The following EPB41L5 variants were observed in gnomAD, a reference collection of about 807,000 sequenced individuals.
EPB41L5 encodes the protein erythrocyte membrane protein band 4.1 like 5.
Under a neutral mutation model 106.6 loss-of-function variants are expected in EPB41L5, and 55 were observed. The observed-to-expected ratio is 0.52, with a 90% CI of 0.42 to 0.65. The LOEUF is 0.65. Among genes scored for constraint, EPB41L5 ranks in the 30% least tolerant of loss-of-function variants. EPB41L5 has a pLI of 0.00. For missense variants in EPB41L5, 871 were observed against 882.1 expected, an observed-to-expected ratio of 0.99 and a Z score of 0.16; for synonymous variants, 297 against 306.7, an observed-to-expected ratio of 0.97 and a Z score of 0.33.
chr2:120,111,142 G>A (rs184330915), intron 16 of EPB41L5, among the ~76,000 whole-genome samples: 2 of 152,240 alleles, frequency 1.3e-5, no homozygotes, highest in East Asian at 3.9e-4. Flanking sequence ...GTCCCCTTCA[G>A]CCTGTGACAG....
intron 3 of EPB41L5, among the ~76,000 whole-genome samples, chr2:120,061,189 C>T (rs1418637207): frequency 1.3e-5 from 2 of 149,640 alleles, no homozygotes; most frequent in Non-Finnish European, 3.0e-5. Context: ...TACAGGCACA[C>T]ACCACCATGC....
intron 3 of EPB41L5, among the ~76,000 whole-genome samples, chr2:120,054,108 T>G (rs1435177201): frequency 6.6e-6 from 1 of 152,238 alleles, no homozygotes; most frequent in Non-Finnish European, 1.5e-5. Flanking sequence ...CTAGTTGGTA[T>G]GAAATGGTGT....
In EPB41L5 at chr2:120,175,993, G is replaced by A. The variant is rs1201329055; in HGVS notation, c.*1086G>A. ...AGCATATACCGAAAGAACCTGCATTGCACTAGGAATTCTGTGTTAGTTTAA... is the reference window on the plus strand; with the variant it reads ...AGCATATACCGAAAGAACCTGCATTACACTAGGAATTCTGTGTTAGTTTAA... On this transcript the variant is annotated 3_prime_UTR_variant, in exon 25 of 25. Transcript: ENST00000263713. The A allele has an allele frequency of 6.6e-6, 1 of 152,414 alleles. No individual in the cohort carries two copies. The highest frequency in any genetic ancestry group is 2.4e-5 in the African/African-American group (1 of 41,428). 9.4% of individuals were successfully genotyped at this position (152,414 alleles called of 1,614,324 possible).
At position 120,112,541 on chromosome 2, in the gene EPB41L5, GAGT is replaced by G. The variant is rs1684770095; in HGVS notation, c.1337+11730_1337+11732del. 2.0e-5 allele frequency among the ~76,000 whole-genome samples: 3 copies of G among 152,196 alleles called. No homozygotes were observed. In the South Asian group the frequency reaches 6.2e-4, roughly 32 times the overall value. ...AAGTGCTAAATCCAGCAAGCAAGAA[GAGT>G]AGAAGTGGTTGAAGTTAAGAAGGCT... On this transcript the variant is annotated intron_variant, in intron 16 of 24. Coordinates refer to ENST00000263713, the MANE Select transcript of EPB41L5 (RefSeq NM_020909.4).
Position 120,164,880 on chromosome 2 carries a change from G to C in EPB41L5, c.1932G>C (p.Glu644Asp). 1 of 1,611,266 alleles carries C rather than the reference G, an allele frequency of 6.2e-7. No homozygotes were observed. Among genetic ancestry groups the C allele is most frequent in the Non-Finnish European group, 8.5e-7 (1 of 1,178,798 alleles). ...ATGCCTTGCTTGCATCTCTAACTGA[G>C]AATCTAATTGATCACACAGTTGCAC... Reference protein sequence around the residue: ...ELDALLASLTENLIDHTVAPQ... With the variant: ...ELDALLASLTDNLIDHTVAPQ... Residue 644 changes from glutamate (E) to aspartate (D), a missense_variant, in exon 22 of 25, where the codon GAG (glutamate) becomes GAC (aspartate). Transcript: ENST00000263713.
At chr2:120,104,922 G>C (rs1023331463) in intron 16 of EPB41L5, 1 of 977,444 alleles carries the variant, frequency 1.0e-6, no homozygotes, top group African/African-American at 1.8e-5. Context: ...TATCATAACA[G>C]TTAACCAGTG....
intron 9 of EPB41L5, 129 bp from the exon 10 acceptor site, chr2:120,078,364 T>C (rs1682401199): frequency 2.3e-6 from 1 of 436,260 alleles, no homozygotes; most frequent in Non-Finnish European, 4.0e-6. Flanking sequence ...GTTGAAAACA[T>C]CTCATATATT....
At position 120,106,030 on chromosome 2, in the gene EPB41L5, A is replaced by C. The variant is rs796250470; in HGVS notation, c.1337+5216A>C. On this transcript the variant is annotated intron_variant, in intron 16 of 24. Coordinates refer to ENST00000263713, the MANE Select transcript of EPB41L5 (RefSeq NM_020909.4). Reference sequence around the variant, plus strand: ...GCAGGACATGCTCATATAATGCCCCATATATATCTTAGCAGATTGTAATTG... The same window carrying C: ...GCAGGACATGCTCATATAATGCCCCCTATATATCTTAGCAGATTGTAATTG... 3.0e-6 allele frequency: 3 copies of C among 984,720 alleles called. No homozygotes were observed. In the African/African-American group the frequency reaches 5.2e-5, roughly 17 times the overall value. 61.0% of individuals were successfully genotyped at this position (984,720 alleles called of 1,614,324 possible). A position where few individuals can be genotyped will look rare whatever the true frequency, so the allele number is the denominator to read the frequency against.
intron 3 of EPB41L5, among the ~76,000 whole-genome samples, chr2:120,042,949 C>T (rs766527790): frequency 6.7e-6 from 1 of 149,848 alleles, no homozygotes; most frequent in Non-Finnish European, 1.5e-5. Flanking sequence ...GAGGAAGAGA[C>T]CACAGATGAT....
intron 24 of EPB41L5, among the ~76,000 whole-genome samples, chr2:120,174,107 T>C (rs1028892362): frequency 6.6e-6 from 1 of 152,182 alleles, no homozygotes; most frequent in Non-Finnish European, 1.5e-5. Flanking sequence ...TTCACACGGC[T>C]CTAACAAAAT....
chr2:120,047,196 A>C (rs1384661124), intron 3 of EPB41L5, among the ~76,000 whole-genome samples: 2 of 152,192 alleles, frequency 1.3e-5, no homozygotes, highest in Non-Finnish European at 1.5e-5. Flanking sequence ...AATTCTGTGA[A>C]GAAAGTCATT....
intron 10 of EPB41L5, among the ~76,000 whole-genome samples, chr2:120,083,492 T>C (rs1371598543): frequency 6.6e-6 from 1 of 152,216 alleles, no homozygotes; most frequent in African/African-American, 2.4e-5. Flanking sequence ...TTCTGTTCTT[T>C]TACATTTGCT....
intron 3 of EPB41L5, among the ~76,000 whole-genome samples, chr2:120,067,952 C>T (rs1417047237): frequency 6.6e-6 from 1 of 152,102 alleles, no homozygotes; most frequent in South Asian, 2.1e-4. Context: ...ACTGAGGGAG[C>T]AGAGGAAGTG....
At chr2:120,150,811 GATTGTCTTTTCACTTTCTTAGTGATC>G (rs1274162508) in intron 20 of EPB41L5, among the ~76,000 whole-genome samples, 1 of 152,060 alleles carries the variant, frequency 6.6e-6, no homozygotes, top group Non-Finnish European at 1.5e-5. Flanking sequence ...CCATTCTGTG[GATTGTCTTTTCACTTTCTTAGTGATC>G]AGCCTTTTGA....
intron 3 of EPB41L5, among the ~76,000 whole-genome samples, chr2:120,059,757 G>C (rs1420758306): frequency 6.6e-6 from 1 of 152,100 alleles, no homozygotes; most frequent in East Asian, 1.9e-4. Flanking sequence ...AACAAAAAAA[G>C]TCTGCTGCTG....
At chr2:120,080,813 G>T (rs921443700) in intron 10 of EPB41L5, among the ~76,000 whole-genome samples, 1 of 152,198 alleles carries the variant, frequency 6.6e-6, no homozygotes, top group African/African-American at 2.4e-5. Flanking sequence ...ACTGGTGTGA[G>T]ATGTATCTCA....
intron 16 of EPB41L5, 95 bp from the exon 17 acceptor site, chr2:120,127,593 G>C (rs1171252009): frequency 1.1e-6 from 1 of 945,154 alleles, no homozygotes; most frequent in African/African-American, 1.6e-5. Context: ...TGAATTCACA[G>C]ATGTGGTGGA....
intron 2 of EPB41L5, among the ~76,000 whole-genome samples, chr2:120,024,928 G>A (rs1015784745): frequency 3.3e-5 from 5 of 152,040 alleles, no homozygotes; most frequent in African/African-American, 4.8e-5. Flanking sequence ...GAGGATTTTC[G>A]CATCGATGTT....
Position 120,131,730 on chromosome 2 carries a change from CCT to C in EPB41L5, c.1599+16_1599+17del. 1 of 1,531,778 alleles carries C rather than the reference CCT, an allele frequency of 6.5e-7. No individual in the cohort carries two copies. Among genetic ancestry groups the C allele is most frequent in the East Asian group, 2.2e-5 (1 of 44,472 alleles). 94.9% of individuals were successfully genotyped at this position (1,531,778 alleles called of 1,614,324 possible). On this transcript the variant is annotated intron_variant, in intron 18 of 24. Transcript: ENST00000263713. ...TAAACAGCCAGGTATTCAGATTTCC[CCT>C]GTGTATACCTGTTACACATCTCCAG...
Sources: gnomAD v4.1 joint callset for allele counts (sites outside exome capture counted in the v4.1 genomes callset) on GRCh38, gnomAD v4.1.1 for gene constraint, MANE v1.5 for transcripts, NCBI Gene and HGNC (gene_info 2026-07-23, HGNC 2026-07-21) for gene names.